Variants in RBM46 observed in about 807,000 individuals in gnomAD.
The protein encoded by RBM46 is RNA binding motif protein 46.
A neutral mutation model predicts 43.3 loss-of-function variants in RBM46; 12 were observed. The observed-to-expected ratio is 0.28, with a 90% CI of 0.18 to 0.45. The LOEUF (loss-of-function observed/expected upper bound fraction) is 0.45. Among genes scored for constraint, RBM46 ranks in the 20% least tolerant of loss-of-function variants. The pLI is 1.00. For missense variants in RBM46, 412 were observed against 639.1 expected (o/e 0.64, Z 3.83); for synonymous variants, 205 against 207.6 (o/e 0.99, Z 0.11).
intron 1 of RBM46, among the ~76,000 whole-genome samples, chr4:154,787,507 A>G (rs923548967): frequency 6.6e-6 from 1 of 152,138 alleles, no homozygotes; most frequent in African/African-American, 2.4e-5. Flanking sequence ...TACAAAGGAC[A>G]TGAACTCACC....
chr4:154,788,151 A>T (rs968992162), intron 1 of RBM46, among the ~76,000 whole-genome samples: 1 of 152,014 alleles, frequency 6.6e-6, no homozygotes, highest in Non-Finnish European at 1.5e-5. Flanking sequence ...GTTCACTCTG[A>T]TGGTAGTTTC....
intron 4 of RBM46, among the ~76,000 whole-genome samples, chr4:154,815,014 C>T (rs956683666): frequency 6.6e-6 from 1 of 151,914 alleles, no homozygotes; most frequent in Non-Finnish European, 1.5e-5. Flanking sequence ...TTTCCCCAGA[C>T]ATTACTTTCC....
intron 4 of RBM46, chr4:154,820,498 T>A: frequency 1.3e-6 from 1 of 798,472 alleles, no homozygotes; most frequent in South Asian, 2.1e-5. Flanking sequence ...AGTTTCAAAT[T>A]GTTCTTTATA....
At chr4:154,807,179 G>C (rs142210969) in intron 4 of RBM46, among the ~76,000 whole-genome samples, 12 of 151,670 alleles carry the variant, frequency 7.9e-5, no homozygotes, top group African/African-American at 2.9e-4. Flanking sequence ...TTAAATGTTA[G>C]TAGCAGTTCA....
At chr4:154,808,958 T>C (rs529642308) in intron 4 of RBM46, among the ~76,000 whole-genome samples, 1 of 152,102 alleles carries the variant, frequency 6.6e-6, no homozygotes, top group East Asian at 1.9e-4. Context: ...AGCAAAAATA[T>C]GATTGCTTTC....
chr4:154,804,347 A>G (rs919954562), intron 4 of RBM46, among the ~76,000 whole-genome samples: 4 of 152,164 alleles, frequency 2.6e-5, no homozygotes, highest in South Asian at 4.1e-4. Context: ...TATCTTCACA[A>G]TCTCGTTATC....
At chr4:154,817,756 G>A (rs188619579) in intron 4 of RBM46, among the ~76,000 whole-genome samples, 11 of 152,096 alleles carry the variant, frequency 7.2e-5, no homozygotes, top group Middle Eastern at 3.4e-3. Context: ...TGTCCTTGCC[G>A]ATAGGCTTGG....
At chr4:154,817,714 T>C (rs1371574431) in intron 4 of RBM46, among the ~76,000 whole-genome samples, 1 of 152,186 alleles carries the variant, frequency 6.6e-6, no homozygotes, top group South Asian at 2.1e-4. Flanking sequence ...TCTTCTTGAA[T>C]CTTCAGTATT....
chr4:154,824,970 C>G (rs1405334186), intron 4 of RBM46, among the ~76,000 whole-genome samples: 1 of 151,980 alleles, frequency 6.6e-6, no homozygotes, highest in African/African-American at 2.4e-5. Context: ...TAGATTTATA[C>G]AATTATCAAA....
At chr4:154,802,668 C>T (rs890615198) in intron 4 of RBM46, among the ~76,000 whole-genome samples, 9 of 142,964 alleles carry the variant, frequency 6.3e-5, no homozygotes, top group South Asian at 4.6e-4. Flanking sequence ...GTTTCTCAAA[C>T]GAAGTTCCTT....
chr4:154,820,433 A>G (rs1285900769), intron 4 of RBM46: 1 of 1,449,024 alleles, frequency 6.9e-7, no homozygotes, highest in South Asian at 1.3e-5. Context: ...GTAAGAGTTT[A>G]TTAGGTAAAA....
chr4:154,817,849 T>C (rs991579520), intron 4 of RBM46, among the ~76,000 whole-genome samples: 30 of 152,114 alleles, frequency 2.0e-4, no homozygotes, highest in African/African-American at 7.0e-4. Context: ...TTTTATACAG[T>C]GTTTATTTTG....
chr4:154,805,874 T>C (rs932758124), intron 4 of RBM46, among the ~76,000 whole-genome samples: 3 of 152,010 alleles, frequency 2.0e-5, no homozygotes, highest in Non-Finnish European at 4.4e-5. Flanking sequence ...AGAAAAATAA[T>C]ACTTTTCAGA....
chr4:154,822,430 A>G (rs543755823), intron 4 of RBM46, among the ~76,000 whole-genome samples: 2 of 151,836 alleles, frequency 1.3e-5, no homozygotes, highest in East Asian at 1.9e-4. Context: ...TTTCTATACT[A>G]GAATAGAAAG....
At chr4:154,808,893 A>G (rs1197211628) in intron 4 of RBM46, among the ~76,000 whole-genome samples, 1 of 152,116 alleles carries the variant, frequency 6.6e-6, no homozygotes, top group African/African-American at 2.4e-5. Context: ...TTATACCAGA[A>G]CATTGAAACA....
intron 4 of RBM46, among the ~76,000 whole-genome samples, chr4:154,819,439 C>T (rs1327037482): frequency 6.6e-6 from 1 of 152,170 alleles, no homozygotes; most frequent in Non-Finnish European, 1.5e-5. Context: ...GGAAATGCAC[C>T]TCCCAAAGAG....
rs771513738 is a variant in RBM46 at position 154,799,009 on chromosome 4, G to T, written c.847G>T (p.Asp283Tyr). 3.1e-6 allele frequency: 5 copies of T among 1,614,158 alleles called. No homozygotes were observed. The highest frequency in any genetic ancestry group is 4.2e-6 in the Non-Finnish European group (5 of 1,180,028). The change falls in exon 4 of 5, where the codon GAT becomes TAT. Residue 283 changes from aspartate to tyrosine, a missense_variant. Physicochemically the swap from Asp to Tyr is radical, Grantham distance 160. This residue lies in a region of RBM46 where 54 missense variants were observed against 102.5 expected (regional missense o/e 0.53). Transcript: ENST00000281722. Reference protein sequence around the residue: ...YAFVHFFNREDAVAAMSVMNG... With the variant: ...YAFVHFFNREYAVAAMSVMNG... ...TTTTGTTCACTTTTTCAACCGAGAA[G>T]ATGCAGTGGCTGCCATGTCTGTTAT...
rs1222646684 is a variant in RBM46, at chr4:154,828,157, T to G, written c.*90T>G. 4.0e-6 allele frequency: 4 copies of G among 1,011,130 alleles called. No individual in the cohort carries two copies. The highest frequency in any genetic ancestry group is 6.1e-6 in the Non-Finnish European group (4 of 655,330). The allele number at this position is 1,011,130 out of a possible 1,614,324, so 62.6% of individuals were successfully genotyped here. On this transcript the variant is annotated 3_prime_UTR_variant, in exon 5 of 5. Coordinates refer to ENST00000281722, the MANE Select transcript of RBM46 (RefSeq NM_144979.5). The stretch of plus-strand genomic sequence containing the variant: ...ATATTGTTTTATTTTAGAATCGGGT[T>G]TGCATATTTGGTTTTAAAAAGGTAT...
At chr4:154,820,231 T>C (rs1276560094) in intron 4 of RBM46, 1 of 439,250 alleles carries the variant, frequency 2.3e-6, no homozygotes, top group Non-Finnish European at 3.8e-6. Flanking sequence ...TTACTTCTTT[T>C]TCTCTAAATT....
Sources: allele counts gnomAD v4.1 joint callset (sites outside exome capture counted in the v4.1 genomes callset), GRCh38; gene constraint gnomAD v4.1.1; regional missense constraint gnomAD v4.1.1; transcripts MANE v1.5; gene names NCBI Gene and HGNC (gene_info 2026-07-23, HGNC 2026-07-21).